SLF1: variants seen among roughly 807,000 people sequenced by gnomAD.
The protein encoded by SLF1 is SMC5/6 complex localization factor 1.
Under a neutral mutation model 123.0 loss-of-function variants are expected in SLF1, and 105 were observed. That is an observed-to-expected ratio of 0.85 (90% confidence interval 0.73 to 1.00). SLF1 has a LOEUF of 1.00. Ranked by LOEUF, SLF1 falls within the 50% of genes least tolerant of loss-of-function variation. The probability of loss-of-function intolerance (pLI) is 0.00; values close to 1 mark genes in which losing one functional copy is unlikely to be tolerated. For synonymous variants in SLF1, 434 were observed against 406.6 expected (o/e 1.07, Z -0.81); for missense variants, 1,239 against 1,223.0 (o/e 1.01, Z -0.20).
Position 94,670,294 on chromosome 5 carries a change from C to A in SLF1, c.1661+15C>A. ...CTGAGTCAAAAGTAAGTTCTAATCG[C>A]AAGAATAACACTTTTCTAAATTTTG... On this transcript the variant is annotated intron_variant, in intron 13 of 20. Coordinates refer to ENST00000265140, the MANE Select transcript of SLF1 (RefSeq NM_032290.4). 6.9e-7 allele frequency: 1 copy of A among 1,447,492 alleles called. No homozygotes were observed. Among genetic ancestry groups the A allele is most frequent in the Non-Finnish European group, 9.1e-7 (1 of 1,104,550 alleles). The allele number at this position is 1,447,492 out of a possible 1,614,324, so 89.7% of individuals were successfully genotyped here.
intron 4 of SLF1, among the ~76,000 whole-genome samples, chr5:94,632,182 T>C (rs1184418421): frequency 6.6e-6 from 1 of 152,168 alleles, no homozygotes; most frequent in Admixed American, 6.5e-5. Context: ...ATTTTGGCAC[T>C]GTTAACGAAA....
intron 14 of SLF1, among the ~76,000 whole-genome samples, chr5:94,678,111 G>T (rs1461418168): frequency 6.6e-6 from 1 of 151,846 alleles, no homozygotes; most frequent in African/African-American, 2.4e-5. Context: ...TAGTAGAGAC[G>T]GGGTTTCACC....
At chr5:94,635,267 C>CGAAAA in intron 4 of SLF1, among the ~76,000 whole-genome samples, 1 of 150,712 alleles carries the variant, frequency 6.6e-6, no homozygotes, top group Non-Finnish European at 1.5e-5. Flanking sequence ...GTATCCTTTT[C>CGAAAA]CATCCCTTCA....
chr5:94,651,681 A>G, intron 6 of SLF1, 21 bp from the exon 7 acceptor site: 7 of 1,504,762 alleles, frequency 4.7e-6, no homozygotes, highest in Non-Finnish European at 5.3e-6. Context: ...TCTTAACTAA[A>G]TTATGTTTAC....
chr5:94,652,146 TA>T (rs1325671489), intron 7 of SLF1, among the ~76,000 whole-genome samples: 1 of 152,076 alleles, frequency 6.6e-6, no homozygotes, highest in Non-Finnish European at 1.5e-5. Context: ...TAGCTGGGAC[TA>T]CAGGCACACA....
chr5:94,655,412 A>G (rs1287641447), intron 9 of SLF1, among the ~76,000 whole-genome samples: 1 of 152,080 alleles, frequency 6.6e-6, no homozygotes, highest in Non-Finnish European at 1.5e-5. Context: ...CTTCTTGCTC[A>G]GCATTGCTTT....
At position 94,654,687 on chromosome 5, in the gene SLF1, A is replaced by G. The variant is rs1048290050; in HGVS notation, c.1090A>G (p.Ile364Val). ...EYAKESKAMAIKTDVDVVEIK... is the reference protein window; with the variant it reads ...EYAKESKAMAVKTDVDVVEIK... ...TGCCAAAGAATCAAAAGCCATGGCTATTAAGACAGATGTGGATGTTGTTGA... is the reference window on the plus strand; with the variant it reads ...TGCCAAAGAATCAAAAGCCATGGCTGTTAAGACAGATGTGGATGTTGTTGA... Residue 364 changes from isoleucine (I) to valine (V), a missense_variant, in exon 9 of 21, where the codon ATT becomes GTT. Physicochemically the swap from Ile to Val is conservative, Grantham distance 29. Transcript: ENST00000265140. 1.9e-6 allele frequency: 3 copies of G among 1,545,958 alleles called. No homozygotes were observed. The highest frequency in any genetic ancestry group is 2.6e-6 in the Non-Finnish European group (3 of 1,143,720).
intron 16 of SLF1, among the ~76,000 whole-genome samples, chr5:94,688,075 A>G (rs551261807): frequency 6.7e-6 from 1 of 149,218 alleles, no homozygotes; most frequent in African/African-American, 2.5e-5. Context: ...TTTTGCAACA[A>G]TCCTTTAAGG....
At chr5:94,678,742 A>C in intron 14 of SLF1, 66 bp from the exon 15 acceptor site, 1 of 1,417,070 alleles carries the variant, frequency 7.1e-7, no homozygotes. Context: ...AAGTATTCAA[A>C]ATAAATACTA....
rs1350416022 is a variant in SLF1, at chr5:94,670,996, C to G, written c.1815C>G (p.Phe605Leu). The G allele has an allele frequency of 6.5e-7, 1 of 1,538,400 alleles. No homozygotes were observed. Among genetic ancestry groups the G allele is most frequent in the East Asian group, 2.5e-5 (1 of 40,736 alleles). The change falls in exon 14 of 21, where the codon TTC (phenylalanine) becomes TTG (leucine). Residue 605 changes from phenylalanine to leucine, a missense_variant. Coordinates refer to ENST00000265140, the MANE Select transcript of SLF1 (RefSeq NM_032290.4). ...EWTIYSHKEKFKSNDVFKHEL... is the reference protein window; with the variant it reads ...EWTIYSHKEKLKSNDVFKHEL... ...CTATATATTCTCACAAGGAAAAATT[C>G]AAGTCTAATGATGTAAGTAGGATTA...
In SLF1 at chr5:94,695,052, T is replaced by G; in HGVS notation, c.2917T>G (p.Ser973Ala). The G allele has an allele frequency of 6.2e-7, 1 of 1,612,492 alleles. No homozygotes were observed. Among genetic ancestry groups the G allele is most frequent in the Non-Finnish European group, 8.5e-7 (1 of 1,179,108 alleles). ...AAATTTTTGTTCAATTTTTGATTTA[T>G]CTTCAGAGTTCATTTTAGCTTCCAA... The part of the protein sequence containing the change: ...LLNFCSIFDL[S>A]SEFILASKGL... The change falls in exon 21 of 21, where the codon TCT (serine) becomes GCT (alanine). Residue 973 changes from serine (S) to alanine (A), a missense_variant. Physicochemically the swap from Ser to Ala is moderately conservative, Grantham distance 99. Transcript: ENST00000265140.
chr5:94,664,160 T>G (rs1029234022), intron 11 of SLF1, among the ~76,000 whole-genome samples: 2 of 152,246 alleles, frequency 1.3e-5, no homozygotes, highest in African/African-American at 2.4e-5. Context: ...AAAGGTTATC[T>G]AATTTTTCTC....
chr5:94,623,901 T>C (rs1792010924), intron 1 of SLF1, among the ~76,000 whole-genome samples: 1 of 152,192 alleles, frequency 6.6e-6, no homozygotes, highest in Admixed American at 6.5e-5. Flanking sequence ...CCTACATATA[T>C]AGTTTTCCTG....
intron 4 of SLF1, among the ~76,000 whole-genome samples, chr5:94,635,226 G>C (rs1156840159): frequency 2.0e-5 from 3 of 151,198 alleles, no homozygotes; most frequent in Non-Finnish European, 4.4e-5. Flanking sequence ...AGTGTAGCTA[G>C]TCCTGCTCTC....
chr5:94,682,667 AT>A (rs1751947336), intron 15 of SLF1, among the ~76,000 whole-genome samples: 1 of 152,142 alleles, frequency 6.6e-6, no homozygotes, highest in Non-Finnish European at 1.5e-5. Flanking sequence ...GATAAATAAA[AT>A]TTTTTCCATC....
Position 94,694,980 on chromosome 5 carries a change from T to C in SLF1, c.2845T>C (p.Tyr949His). The stretch of plus-strand genomic sequence containing the variant: ...TGCACAAGCAGAGAAACATTTTCAT[T>C]ACCAGCAACTTGAATTTGGCTCCTT... ...FHAQAEKHFH[Y>H]QQLEFGSFLL... The change falls in exon 21 of 21, where the codon TAC becomes CAC. Residue 949 changes from tyrosine (Y) to histidine (H), a missense_variant. Physicochemically the swap from Tyr to His is moderately conservative, Grantham distance 83 (BLOSUM62 2). Coordinates refer to ENST00000265140, the MANE Select transcript of SLF1 (RefSeq NM_032290.4). 8 of 1,612,650 alleles carry C rather than the reference T, an allele frequency of 5.0e-6. No individual in the cohort carries two copies. The highest frequency in any genetic ancestry group is 6.8e-6 in the Non-Finnish European group (8 of 1,179,142).
intron 1 of SLF1, among the ~76,000 whole-genome samples, chr5:94,622,740 G>GT (rs1275797838): frequency 1.3e-5 from 2 of 151,942 alleles, no homozygotes; most frequent in African/African-American, 2.4e-5. Flanking sequence ...ATAAATCAAA[G>GT]TTTTTTTATT....
intron 14 of SLF1, among the ~76,000 whole-genome samples, chr5:94,671,254 T>TA (rs1750411187): frequency 6.6e-6 from 1 of 151,894 alleles, no homozygotes; most frequent in Non-Finnish European, 1.5e-5. Context: ...AATCTCTAGT[T>TA]ACTTACCTTT....
chr5:94,676,372 C>T (rs1751058235), intron 14 of SLF1, among the ~76,000 whole-genome samples: 1 of 152,160 alleles, frequency 6.6e-6, no homozygotes, highest in Non-Finnish European at 1.5e-5. Context: ...GACCCTAGTC[C>T]TGCCGATCAC....
Sources: allele counts gnomAD v4.1 joint callset (sites outside exome capture counted in the v4.1 genomes callset), GRCh38; gene constraint gnomAD v4.1.1; transcripts MANE v1.5; gene names NCBI Gene and HGNC (gene_info 2026-07-23, HGNC 2026-07-21).